Variants in SLC39A8 observed in about 807,000 individuals in gnomAD.
SLC39A8 encodes the protein solute carrier family 39 member 8, also known as metal cation symporter ZIP8.
Under a neutral mutation model 40.4 loss-of-function variants are expected in SLC39A8, and 15 were observed. The ratio of observed to expected loss-of-function variants is 0.37; its 90% CI spans 0.25 to 0.57. SLC39A8 has a LOEUF of 0.57. SLC39A8 is among the 20% of genes least tolerant of loss of function. The pLI is 0.75. For missense variants in SLC39A8, 472 were observed against 558.8 expected, an observed-to-expected ratio of 0.84 and a Z score of 1.57; for synonymous variants, 223 against 221.6, an observed-to-expected ratio of 1.01 and a Z score of -0.06.
intron 6 of SLC39A8, among the ~76,000 whole-genome samples, chr4:102,269,533 C>T (rs1327202489): frequency 6.6e-6 from 1 of 152,194 alleles, no homozygotes; most frequent in Non-Finnish European, 1.5e-5. Context: ...AGGCACTGTT[C>T]TAAGCACTTC....
intron 6 of SLC39A8, among the ~76,000 whole-genome samples, chr4:102,284,048 C>A (rs1313527154): frequency 6.6e-6 from 1 of 152,172 alleles, no homozygotes; most frequent in Non-Finnish European, 1.5e-5. Flanking sequence ...AACATAGTGA[C>A]CCAGACATCA....
chr4:102,253,745 G>A (rs1475523453), intron 11 of SLC39A8, among the ~76,000 whole-genome samples: 2 of 151,654 alleles, frequency 1.3e-5, no homozygotes, highest in Non-Finnish European at 1.5e-5. Flanking sequence ...TAATCCCATC[G>A]AGATATCCCC....
At chr4:102,306,036 A>G (rs937907831) in intron 4 of SLC39A8, among the ~76,000 whole-genome samples, 2 of 152,088 alleles carry the variant, frequency 1.3e-5, no homozygotes, top group African/African-American at 4.8e-5. Context: ...ATATAAATAT[A>G]AATGTTCCAT....
At chr4:102,303,765 GAGT>G (rs1268045165) in intron 6 of SLC39A8, among the ~76,000 whole-genome samples, 3 of 151,728 alleles carry the variant, frequency 2.0e-5, no homozygotes, top group Non-Finnish European at 4.4e-5. Flanking sequence ...TCCCTACACT[GAGT>G]AGTTGTTATA....
At chr4:102,278,088 T>A (rs1431070879) in intron 6 of SLC39A8, among the ~76,000 whole-genome samples, 1 of 152,146 alleles carries the variant, frequency 6.6e-6, no homozygotes, top group Non-Finnish European at 1.5e-5. Context: ...AAAGACTTCA[T>A]GACTAAAACA....
At chr4:102,316,350 A>G (rs916865119) in intron 2 of SLC39A8, among the ~76,000 whole-genome samples, 1 of 152,140 alleles carries the variant, frequency 6.6e-6, no homozygotes, top group South Asian at 2.1e-4. Context: ...GTTTTAAAAT[A>G]TGTCTTTTGC....
In SLC39A8 at chr4:102,340,506, G is replaced by A. The variant is rs139961903; in HGVS notation, c.219+3938C>T. ...AGGTATTTCTAGAGAACCAGGCAGT[G>A]TAAATGGTCCATTAAGATTGGAACT... On this transcript the variant is annotated intron_variant, in intron 2 of 8. Transcript: ENST00000356736. Among the ~76,000 whole-genome samples the A allele has an allele frequency of 2.5e-4, 38 of 152,274 alleles. 1 individual carries two copies. In the East Asian group the frequency reaches 7.0e-3, roughly 28 times the overall value.
At chr4:102,312,680 A>G (rs1350503536) in intron 3 of SLC39A8, among the ~76,000 whole-genome samples, 1 of 152,158 alleles carries the variant, frequency 6.6e-6, no homozygotes, top group African/African-American at 2.4e-5. Flanking sequence ...GTAGTTATTT[A>G]ACAGACCTAA....
downstream of SLC39A8, among the ~76,000 whole-genome samples, chr4:102,258,113 T>TG (rs1379775955): frequency 7.3e-5 from 11 of 150,464 alleles, no homozygotes; most frequent in African/African-American, 2.5e-4. Flanking sequence ...TGTTTTTTGT[T>TG]TTTTTTTTTG....
At chr4:102,273,615 C>T (rs1432057657) in intron 6 of SLC39A8, among the ~76,000 whole-genome samples, 4 of 152,218 alleles carry the variant, frequency 2.6e-5, no homozygotes, top group Admixed American at 2.6e-4. Context: ...AGACTGCCTC[C>T]TCAAGTGGGT....
At position 102,263,168 on chromosome 4, in the gene SLC39A8, C is replaced by T; in HGVS notation, c.1259G>A (p.Arg420Lys). The T allele has an allele frequency of 6.2e-7, 1 of 1,613,590 alleles. No individual in the cohort carries two copies. Among genetic ancestry groups the T allele is most frequent in the Non-Finnish European group, 8.5e-7 (1 of 1,179,666 alleles). The change falls in exon 9 of 9, where the codon AGA (arginine) becomes AAA (lysine). Residue 420 changes from arginine (R) to lysine (K), a missense_variant. Physicochemically the swap from Arg to Lys is conservative, Grantham distance 26 (BLOSUM62 2). Transcript: ENST00000356736. ...DMFPEMNDML[R>K]EKVTGRKTDF... Reference sequence around the variant, plus strand: ...GGTTTTTCTTCCAGTTACCTTTTCTCTCAGCATATCATTCATCTCTGGAAA... The same window carrying T: ...GGTTTTTCTTCCAGTTACCTTTTCTTTCAGCATATCATTCATCTCTGGAAA...
At chr4:102,267,372 A>G in intron 8 of SLC39A8, 118 bp downstream of exon 8, 1 of 844,906 alleles carries the variant, frequency 1.2e-6, no homozygotes, top group Non-Finnish European at 1.8e-6. Flanking sequence ...GTTCTGAATT[A>G]CAACAGAAAG....
intron 6 of SLC39A8, among the ~76,000 whole-genome samples, chr4:102,300,382 T>A (rs1342978452): frequency 1.3e-5 from 2 of 152,036 alleles, no homozygotes; most frequent in Non-Finnish European, 2.9e-5. Context: ...ACCAGAGACT[T>A]CTAAATTTAA....
At chr4:102,261,459 A>C (rs17032357), downstream of SLC39A8, among the ~76,000 whole-genome samples, 44,010 of 152,144 alleles carry the variant, frequency 0.29, 6,452 homozygotes, top group East Asian at 0.4. Flanking sequence ...GTAACGAGAG[A>C]TCATCATAAT....
chr4:102,267,588 C>T lies in SLC39A8; in HGVS notation c.1135G>A (p.Gly379Arg). ...CCCACCAAAATGCCAAAAGCTAGCCCAACATAGCAGGAACATGCAGAAAGG... is the reference window on the plus strand; with the variant it reads ...CCCACCAAAATGCCAAAAGCTAGCCTAACATAGCAGGAACATGCAGAAAGG... Reference protein sequence around the residue: ...NFLSACSCYVGLAFGILVGNN... With the variant: ...NFLSACSCYVRLAFGILVGNN... Residue 379 changes from glycine (G) to arginine (R), a missense_variant, in exon 8 of 9, where the codon GGG becomes AGG. Gly to Arg is a moderately radical substitution (Grantham distance 125). Around this residue, in one of 4 missense-constraint regions of SLC39A8, gnomAD observed 239 missense variants for 317.9 expected, o/e 0.75. Transcript: ENST00000356736. 1 of 1,613,950 alleles carries T rather than the reference C, an allele frequency of 6.2e-7. No homozygotes were observed. Among genetic ancestry groups the T allele is most frequent in the Non-Finnish European group, 8.5e-7 (1 of 1,179,962 alleles).
chr4:102,292,947 C>T (rs1049941048), intron 6 of SLC39A8, among the ~76,000 whole-genome samples: 4 of 151,900 alleles, frequency 2.6e-5, no homozygotes, highest in East Asian at 1.9e-4. Context: ...TGAAGAAACC[C>T]GATTAGTTAT....
chr4:102,271,564 C>T (rs1006046000), intron 6 of SLC39A8, among the ~76,000 whole-genome samples: 1 of 152,154 alleles, frequency 6.6e-6, no homozygotes, highest in African/African-American at 2.4e-5. Flanking sequence ...GATGCTGAGC[C>T]CCCAAAAAGC....
chr4:102,329,942 C>T (rs191090129), intron 2 of SLC39A8, among the ~76,000 whole-genome samples: 1 of 152,158 alleles, frequency 6.6e-6, no homozygotes, highest in Admixed American at 6.5e-5. Flanking sequence ...TGGGTAATAA[C>T]GAAATTAACG....
At chr4:102,345,049 T>G in intron 1 of SLC39A8, 134 bp from the exon 2 acceptor site, 1 of 346,374 alleles carries the variant, frequency 2.9e-6, no homozygotes, top group Non-Finnish European at 4.3e-6. Flanking sequence ...GGATCCGGGT[T>G]TGCAAACGCC....
Sources: allele counts gnomAD v4.1 joint callset (sites outside exome capture counted in the v4.1 genomes callset), GRCh38; gene constraint gnomAD v4.1.1; regional missense constraint gnomAD v4.1.1; transcripts MANE v1.5; gene names NCBI Gene and HGNC (gene_info 2026-07-23, HGNC 2026-07-21).